The following RPL30 variants were observed in gnomAD, a reference collection of about 807,000 sequenced individuals.
RPL30 encodes ribosomal protein L30.
For missense variants in RPL30, 60 were observed against 138.0 expected, an observed-to-expected ratio of 0.43 and a Z score of 2.83; for synonymous variants, 40 against 50.4, an observed-to-expected ratio of 0.79 and a Z score of 0.87.
chr8:98,041,862 A>G lies in RPL30; in HGVS notation c.299-12T>C, dbSNP rs779329839. On this transcript the variant is annotated splice_polypyrimidine_tract_variant and intron_variant, in intron 4 of 4. Coordinates refer to ENST00000287038, the MANE Select transcript of RPL30 (RefSeq NM_000989.4). ...GATGTCAGAGTCACCTAAAAAATAA[A>G]AATAAAAAAACAGTAATTTTACAAT... 12 of 1,573,212 alleles carry G rather than the reference A, an allele frequency of 7.6e-6. No individual in the cohort carries two copies. The East Asian group carries it at 2.7e-4, about 35-fold the overall frequency.
rs369869528 is a variant in RPL30, at chr8:98,045,410, C to T, written c.-32-11G>A. ...GGGACGGCCCCCAACCTAGAAGAGA[C>T]AGAGAACAGGACAGGAATTTTAGGA... On this transcript the variant is annotated splice_polypyrimidine_tract_variant and intron_variant, in intron 1 of 4. Coordinates refer to ENST00000287038, the MANE Select transcript of RPL30 (RefSeq NM_000989.4). 21 of 1,613,286 alleles carry T rather than the reference C, an allele frequency of 1.3e-5. No individual in the cohort carries two copies. Among genetic ancestry groups the T allele is most frequent in the South Asian group, 1.2e-4 (11 of 91,062 alleles).
At chr8:98,042,906 T>G in intron 3 of RPL30, 131 bp from the exon 4 acceptor site, 2 of 804,352 alleles carry the variant, frequency 2.5e-6, no homozygotes, top group Non-Finnish European at 3.8e-6. Context: ...ATATTACTCT[T>G]AAAAACATCA....
At chr8:98,044,377 G>A (rs1380594114) in intron 3 of RPL30, 3 of 152,448 alleles carry the variant, frequency 2.0e-5, no homozygotes. Context: ...CATCACCACA[G>A]AAAATTTGCT....
chr8:98,044,857 G>T, intron 3 of RPL30, 86 bp downstream of exon 3: 1 of 1,391,514 alleles, frequency 7.2e-7, no homozygotes, highest in Non-Finnish European at 9.9e-7. Context: ...TCGAGTTCAT[G>T]GTACTCAGAT....
At chr8:98,042,624 T>A in intron 4 of RPL30, 21 bp downstream of exon 4, 1 of 1,377,942 alleles carries the variant, frequency 7.3e-7, no homozygotes, top group Non-Finnish European at 1.0e-6. Flanking sequence ...AAAAAAAGAC[T>A]TTATGATTTA....
chr8:98,043,780 A>C (rs892303456), intron 3 of RPL30: 9 of 152,090 alleles, frequency 5.9e-5, no homozygotes, highest in African/African-American at 2.2e-4. Context: ...AATTATGTGA[A>C]TCCACATACC....
chr8:98,044,855 A>G, intron 3 of RPL30, 88 bp downstream of exon 3: 1 of 1,386,438 alleles, frequency 7.2e-7, no homozygotes, highest in South Asian at 1.3e-5. Context: ...GTTCGAGTTC[A>G]TGGTACTCAG....
intron 3 of RPL30, chr8:98,043,645 G>A (rs975217073): frequency 3.3e-5 from 5 of 151,420 alleles, no homozygotes; most frequent in African/African-American, 1.2e-4. Context: ...AGTCAGGAGC[G>A]TCAGACCAGC....
chr8:98,045,112 G>A (rs1457003921), intron 2 of RPL30, 24 bp from the exon 3 acceptor site: 1 of 1,606,926 alleles, frequency 6.2e-7, no homozygotes, highest in East Asian at 2.2e-5. Flanking sequence ...ATTAAATACG[G>A]ACCTAAGGGC....
At chr8:98,042,266 T>G (rs774274394) in intron 4 of RPL30, 2 of 504,944 alleles carry the variant, frequency 4.0e-6, no homozygotes, top group Non-Finnish European at 7.6e-6. Context: ...TGATGTAGAT[T>G]TTTTGGCACT....
At chr8:98,041,937 C>G in intron 4 of RPL30, 87 bp from the exon 5 acceptor site, 1 of 973,076 alleles carries the variant, frequency 1.0e-6, no homozygotes, top group Non-Finnish European at 1.6e-6. Context: ...TTGGTTATCC[C>G]TTCTGTAGAC....
chr8:98,045,462 A>G (rs1814459578), intron 1 of RPL30, 46 bp downstream of exon 1: 1 of 1,497,882 alleles, frequency 6.7e-7, no homozygotes, highest in Admixed American at 1.7e-5. Flanking sequence ...GCAACCCGCA[A>G]AGCTCCCCGC....
intron 4 of RPL30, 137 bp from the exon 5 acceptor site, chr8:98,041,987 T>C (rs556317748): frequency 2.8e-6 from 2 of 721,440 alleles, no homozygotes; most frequent in South Asian, 3.1e-5. Context: ...GCAAAAGTTA[T>C]CACATTAGCT....
At chr8:98,045,189 C>A in intron 2 of RPL30, 101 bp from the exon 3 acceptor site, 1 of 1,548,422 alleles carries the variant, frequency 6.5e-7, no homozygotes, top group Admixed American at 1.8e-5. Context: ...CTTCCGAAGT[C>A]GAGGACCCCA....
intron 4 of RPL30, chr8:98,042,143 A>G (rs1298543489): frequency 1.6e-6 from 1 of 612,220 alleles, no homozygotes; most frequent in Admixed American, 1.8e-5. Context: ...TTGGGGACAC[A>G]TGCATGGTCT....
At position 98,045,387 on chromosome 8, in the gene RPL30, GAC is replaced by G. The variant is rs1204492154; in HGVS notation, c.-22_-21del. 1.9e-6 allele frequency: 3 copies of G among 1,614,034 alleles called. No homozygotes were observed. Among genetic ancestry groups the G allele is most frequent in the Non-Finnish European group, 2.5e-6 (3 of 1,180,026 alleles). ...CACCATCTTCCTGCCTTAGGAGCGG[GAC>G]GGCCCCCAACCTAGAAGAGACAGAG... On this transcript the variant is annotated 5_prime_UTR_variant, in exon 2 of 5. Coordinates refer to ENST00000287038, the MANE Select transcript of RPL30 (RefSeq NM_000989.4).
intron 3 of RPL30, 117 bp downstream of exon 3, chr8:98,044,826 C>T: frequency 8.5e-7 from 1 of 1,170,764 alleles, no homozygotes; most frequent in South Asian, 1.5e-5. Flanking sequence ...ACAATCGCTA[C>T]CGTAATTATC....
Position 98,045,398 on chromosome 8 carries a change from A to T in RPL30, c.-31T>A. On this transcript the variant is annotated splice_region_variant and 5_prime_UTR_variant, in exon 2 of 5. It adds an upstream start codon to the 5' untranslated region. Coordinates refer to ENST00000287038, the MANE Select transcript of RPL30 (RefSeq NM_000989.4). The stretch of plus-strand genomic sequence containing the variant: ...TGCCTTAGGAGCGGGACGGCCCCCA[A>T]CCTAGAAGAGACAGAGAACAGGACA... The T allele has an allele frequency of 6.2e-7, 1 of 1,613,982 alleles. No individual in the cohort carries two copies. Among genetic ancestry groups the T allele is most frequent in the South Asian group, 1.1e-5 (1 of 91,066 alleles).
At chr8:98,042,978 G>A (rs545947453) in intron 3 of RPL30, 48 of 463,698 alleles carry the variant, frequency 1.0e-4, no homozygotes, top group African/African-American at 9.2e-4. Flanking sequence ...GGGGCAACCA[G>A]CAAATATCTA....
Sources: allele counts gnomAD v4.1 joint callset, GRCh38; gene constraint gnomAD v4.1.1; transcripts MANE v1.5; gene names NCBI Gene and HGNC (gene_info 2026-07-23, HGNC 2026-07-21).